Variants in PPM1E observed in about 807,000 individuals in gnomAD.
PPM1E encodes protein phosphatase 1E.
PPM1E carries 20 observed loss-of-function variants against 65.9 expected under a neutral mutation model. The observed-to-expected ratio is 0.30, with a 90% confidence interval of 0.21 to 0.44. The LOEUF (loss-of-function observed/expected upper bound fraction) is 0.44, where lower values mean the gene tolerates loss of function less well. Among genes scored for constraint, PPM1E ranks in the 20% least tolerant of loss-of-function variants. The pLI is 1.00. For synonymous variants in PPM1E, 352 were observed against 374.9 expected, an observed-to-expected ratio of 0.94 and a Z score of 0.70; for missense variants, 713 against 953.1, an observed-to-expected ratio of 0.75 and a Z score of 3.32.
chr17:58,913,113 C>A (rs2051646777), intron 1 of PPM1E, among the ~76,000 whole-genome samples: 1 of 152,052 alleles, frequency 6.6e-6, no homozygotes, highest in Non-Finnish European at 1.5e-5. Context: ...ATAAATTGGA[C>A]CTGAAGAGGG....
rs558662053 is a variant in PPM1E, at chr17:58,904,323, T to C, written c.465-51326T>C. Among the ~76,000 whole-genome samples, 4 of 152,300 alleles carry C rather than the reference T, an allele frequency of 2.6e-5. No individual in the cohort carries two copies. The South Asian group carries it at 8.3e-4, about 32-fold the overall frequency. On this transcript the variant is annotated intron_variant, in intron 1 of 6. Coordinates refer to ENST00000308249, the MANE Select transcript of PPM1E (RefSeq NM_014906.5). The stretch of plus-strand genomic sequence containing the variant: ...CAGTTACACAGAATAAGTGGTATAG[T>C]AGTACATTCTTAATGTATAAGTGAT...
intron 1 of PPM1E, among the ~76,000 whole-genome samples, chr17:58,941,300 G>A (rs920198417): frequency 6.6e-6 from 1 of 152,164 alleles, no homozygotes; most frequent in Non-Finnish European, 1.5e-5. Context: ...TTAAAGGGTA[G>A]TAGCTTTTAA....
chr17:58,777,253 C>T (rs1053736192), intron 1 of PPM1E, among the ~76,000 whole-genome samples: 7 of 151,934 alleles, frequency 4.6e-5, no homozygotes, highest in African/African-American at 1.7e-4. Flanking sequence ...ATAGATATGC[C>T]CAAACATTTT....
At position 58,955,759 on chromosome 17, in the gene PPM1E, G is replaced by A. The variant is rs759598926; in HGVS notation, c.575G>A (p.Gly192Glu). The change falls in exon 2 of 7, where the codon GGG becomes GAG. Residue 192 changes from glycine to glutamate, a missense_variant. By Grantham distance (98) the Gly-to-Glu change is moderately conservative. Transcript: ENST00000308249. ...CCAAAGGAAACGGATGGCACAGAAG[G>A]GACTGTGGGTGAGTACCTTTCTACA... ...YIPKETDGTE[G>E]TVEIETVKLA... 1 of 1,598,184 alleles carries A rather than the reference G, an allele frequency of 6.3e-7. No individual in the cohort carries two copies. Among genetic ancestry groups the A allele is most frequent in the Non-Finnish European group, 8.5e-7 (1 of 1,175,870 alleles).
At chr17:58,774,706 A>G (rs970864015) in intron 1 of PPM1E, among the ~76,000 whole-genome samples, 1 of 151,882 alleles carries the variant, frequency 6.6e-6, no homozygotes, top group Non-Finnish European at 1.5e-5. Context: ...TTATTTGTAG[A>G]TTTTCTTATT....
intron 1 of PPM1E, among the ~76,000 whole-genome samples, chr17:58,905,870 C>T (rs1322652230): frequency 6.6e-6 from 1 of 152,048 alleles, no homozygotes; most frequent in Non-Finnish European, 1.5e-5. Flanking sequence ...TGACTTCTAT[C>T]TTCTGAAAGA....
In PPM1E at chr17:58,934,157, C is replaced by G. The variant is rs184157108; in HGVS notation, c.465-21492C>G. Among the ~76,000 whole-genome samples, 99 of 151,390 alleles carry G rather than the reference C, an allele frequency of 6.5e-4. 1 individual carries two copies. Among genetic ancestry groups the G allele is most frequent in the African/African-American group, 2.3e-3 (93 of 41,242 alleles). On this transcript the variant is annotated intron_variant, in intron 1 of 6. Transcript: ENST00000308249. ...GACTAGAAGAGTTGAAGTTGATAGC[C>G]TCTGCAGCTTAGAGAAGAATGGGGA...
At chr17:58,943,097 TA>T (rs79754762) in intron 1 of PPM1E, among the ~76,000 whole-genome samples, 47 of 147,062 alleles carry the variant, frequency 3.2e-4, no homozygotes, top group Admixed American at 1.6e-3. Context: ...AAAAGTGAAT[TA>T]AAAAAAAAAG....
chr17:58,949,851 C>G (rs1185400986), intron 1 of PPM1E, among the ~76,000 whole-genome samples: 1 of 152,140 alleles, frequency 6.6e-6, no homozygotes, highest in Non-Finnish European at 1.5e-5. Flanking sequence ...ATTTCTCCTT[C>G]ATTTTTGAAG....
intron 1 of PPM1E, among the ~76,000 whole-genome samples, chr17:58,952,138 A>G (rs1420880462): frequency 1.3e-5 from 2 of 152,202 alleles, no homozygotes; most frequent in Non-Finnish European, 2.9e-5. Context: ...TGAGTATCCC[A>G]ATGGCCTAGG....
chr17:58,850,968 G>T (rs935778630), intron 1 of PPM1E, among the ~76,000 whole-genome samples: 10 of 152,140 alleles, frequency 6.6e-5, no homozygotes, highest in Admixed American at 1.3e-4. Context: ...TGGAGGCTTT[G>T]TTCATTTCTT....
intron 1 of PPM1E, among the ~76,000 whole-genome samples, chr17:58,767,100 G>T (rs2049887914): frequency 6.6e-6 from 1 of 152,120 alleles, no homozygotes; most frequent in Non-Finnish European, 1.5e-5. Context: ...TAAACTTGCA[G>T]AGGGTCAGCA....
chr17:58,756,253 G>C lies in PPM1E; in HGVS notation c.256G>C (p.Glu86Gln), dbSNP rs563946213. Residue 86 changes from glutamate (E) to glutamine (Q), a missense_variant, in exon 1 of 7, where the codon GAG (glutamate) becomes CAG (glutamine). Physicochemically the swap from Glu to Gln is conservative, Grantham distance 29. Around this residue, in one of 6 missense-constraint regions of PPM1E, gnomAD observed 212 missense variants for 204.0 expected, o/e 1.04. Coordinates refer to ENST00000308249, the MANE Select transcript of PPM1E (RefSeq NM_014906.5). ...TEEGDQEQDP[E>Q]PEEEAAVEGE... Reference sequence around the variant, plus strand: ...GGAGGGGGACCAGGAGCAAGACCCGGAGCCCGAGGAGGAGGCGGCGGTTGA... The same window carrying C: ...GGAGGGGGACCAGGAGCAAGACCCGCAGCCCGAGGAGGAGGCGGCGGTTGA... 6.4e-7 allele frequency: 1 copy of C among 1,550,584 alleles called. No individual in the cohort carries two copies. Among genetic ancestry groups the C allele is most frequent in the South Asian group, 1.2e-5 (1 of 84,050 alleles).
intron 1 of PPM1E, among the ~76,000 whole-genome samples, chr17:58,774,855 GTTC>G (rs549313378): frequency 2.1e-3 from 288 of 138,454 alleles, no homozygotes; most frequent in African/African-American, 7.2e-3. Flanking sequence ...CATCTGGGTA[GTTC>G]TTTTTTTTTT....
chr17:58,776,075 G>A (rs928824819), intron 1 of PPM1E, among the ~76,000 whole-genome samples: 6 of 152,032 alleles, frequency 3.9e-5, no homozygotes, highest in South Asian at 2.1e-4. Flanking sequence ...GGTGGCTCAC[G>A]CACTTTGGGA....
At chr17:58,801,337 A>G (rs2050255890) in intron 1 of PPM1E, among the ~76,000 whole-genome samples, 1 of 151,998 alleles carries the variant, frequency 6.6e-6, no homozygotes, top group Non-Finnish European at 1.5e-5. Context: ...ACAAACATAC[A>G]TATTTATGAC....
intron 1 of PPM1E, among the ~76,000 whole-genome samples, chr17:58,770,880 C>T (rs2049930933): frequency 3.5e-5 from 5 of 143,440 alleles, no homozygotes; most frequent in East Asian, 2.0e-4. Context: ...TTTTTTTAGG[C>T]GGAGTCTCAC....
intron 1 of PPM1E, among the ~76,000 whole-genome samples, chr17:58,942,307 G>T (rs1329734736): frequency 6.6e-6 from 1 of 152,108 alleles, no homozygotes; most frequent in Non-Finnish European, 1.5e-5. Context: ...GATTGCTTGA[G>T]CCCAGGAGTT....
Position 58,816,373 on chromosome 17 carries a change from A to G in PPM1E, c.464+59912A>G, listed in dbSNP as rs138849485. 5.8e-3 allele frequency among the ~76,000 whole-genome samples: 882 copies of G among 152,238 alleles called. 5 individuals are homozygous for G. Among genetic ancestry groups the G allele is most frequent in the African/African-American group, 9.5e-3 (395 of 41,554 alleles). ...TAAAGAGAAGGAAATACTTTCAAATATGAAAACATAAAATATATATAACAT... is the reference window on the plus strand; with the variant it reads ...TAAAGAGAAGGAAATACTTTCAAATGTGAAAACATAAAATATATATAACAT... On this transcript the variant is annotated intron_variant, in intron 1 of 6. Transcript: ENST00000308249.
Sources: gnomAD v4.1 joint callset for allele counts (sites outside exome capture counted in the v4.1 genomes callset) on GRCh38, gnomAD v4.1.1 for gene constraint, gnomAD v4.1.1 regional missense constraint, MANE v1.5 for transcripts, NCBI Gene and HGNC (gene_info 2026-07-23, HGNC 2026-07-21) for gene names.